TNPO1: variants seen among roughly 807,000 people sequenced by gnomAD.
TNPO1 encodes transportin 1, also known as transportin-1.
Under a neutral mutation model 119.5 loss-of-function variants are expected in TNPO1, and 8 were observed. The ratio of observed to expected loss-of-function variants is 0.07; its 90% CI spans 0.04 to 0.12. TNPO1 has a LOEUF of 0.12. Among genes scored for constraint, TNPO1 ranks in the 10% least tolerant of loss-of-function variants. The probability of loss-of-function intolerance (pLI) is 1.00; values close to 1 mark genes in which losing one functional copy is unlikely to be tolerated. For missense variants in TNPO1, 576 were observed against 1,089.8 expected (o/e 0.53, Z 6.64); for synonymous variants, 362 against 363.0 (o/e 1.00, Z 0.03).
At chr5:72,866,078 C>T (rs1746871625) in intron 6 of TNPO1, among the ~76,000 whole-genome samples, 3 of 152,170 alleles carry the variant, frequency 2.0e-5, no homozygotes, top group South Asian at 4.2e-4. Context: ...ATTTTAGAAT[C>T]GGGATACATG....
intron 1 of TNPO1, among the ~76,000 whole-genome samples, chr5:72,835,882 G>T (rs564899380): frequency 1.3e-5 from 2 of 152,318 alleles, no homozygotes; most frequent in Admixed American, 6.5e-5. Flanking sequence ...CTCCAGCTAT[G>T]AGCCTGCAAA....
chr5:72,894,439 A>G (rs1426525961), intron 18 of TNPO1, among the ~76,000 whole-genome samples: 1 of 152,240 alleles, frequency 6.6e-6, no homozygotes, highest in Non-Finnish European at 1.5e-5. Context: ...TGGAAGGCCA[A>G]GGCGGGCAGG....
At chr5:72,908,128 TACTG>T (rs1352363755) in intron 24 of TNPO1, among the ~76,000 whole-genome samples, 1 of 152,174 alleles carries the variant, frequency 6.6e-6, no homozygotes, top group African/African-American at 2.4e-5. Flanking sequence ...TGTTGATACT[TACTG>T]AATGTAGTGA....
chr5:72,851,616 C>T (rs1745571187), intron 3 of TNPO1, among the ~76,000 whole-genome samples: 1 of 152,156 alleles, frequency 6.6e-6, no homozygotes, highest in Admixed American at 6.5e-5. Flanking sequence ...CCAAACCTCC[C>T]TAGTAGCCGG....
chr5:72,900,534 A>G (rs1749730756), intron 21 of TNPO1, among the ~76,000 whole-genome samples: 1 of 152,220 alleles, frequency 6.6e-6, no homozygotes, highest in Non-Finnish European at 1.5e-5. Flanking sequence ...CATCTACACC[A>G]TAAGCTATAT....
chr5:72,882,934 A>G, intron 10 of TNPO1, 130 bp from the exon 11 acceptor site: 1 of 719,914 alleles, frequency 1.4e-6, no homozygotes, highest in Non-Finnish European at 2.4e-6. Context: ...CGTGGTTCTT[A>G]ATCACTCTGG....
chr5:72,854,803 A>G (rs537959812), intron 3 of TNPO1, among the ~76,000 whole-genome samples: 2 of 152,212 alleles, frequency 1.3e-5, no homozygotes, highest in South Asian at 4.1e-4. Flanking sequence ...TATGGATTAA[A>G]CTTATTTTAA....
At chr5:72,846,097 C>T (rs764782960) in intron 1 of TNPO1, among the ~76,000 whole-genome samples, 44 of 152,214 alleles carry the variant, frequency 2.9e-4, no homozygotes, top group Admixed American at 1.9e-3. Flanking sequence ...GTGTGAATTG[C>T]GTAACTTTTT....
At chr5:72,864,657 G>A (rs1161026215) in intron 5 of TNPO1, among the ~76,000 whole-genome samples, 1 of 151,754 alleles carries the variant, frequency 6.6e-6, no homozygotes, top group Middle Eastern at 3.2e-3. Flanking sequence ...CACCCAGGCT[G>A]GAGTGCAGTG....
chr5:72,832,280 T>TCTAAA (rs1744509546), intron 1 of TNPO1, among the ~76,000 whole-genome samples: 1 of 152,174 alleles, frequency 6.6e-6, no homozygotes, highest in Non-Finnish European at 1.5e-5. Context: ...CTTTGCTAAT[T>TCTAAA]GGACTAAAAC....
intron 2 of TNPO1, among the ~76,000 whole-genome samples, chr5:72,848,861 G>C (rs1292187837): frequency 1.3e-5 from 2 of 151,066 alleles, no homozygotes; most frequent in Non-Finnish European, 3.0e-5. Flanking sequence ...GGAGCGGGCG[G>C]GCGGGAGCGG....
At chr5:72,865,810 G>T in intron 6 of TNPO1, 81 bp downstream of exon 6, 2 of 1,399,238 alleles carry the variant, frequency 1.4e-6, no homozygotes, top group South Asian at 2.7e-5. Flanking sequence ...TAATATTTTT[G>T]ACATTAGCAA....
chr5:72,875,106 C>T (rs1011428174), intron 7 of TNPO1, among the ~76,000 whole-genome samples: 15 of 152,178 alleles, frequency 9.9e-5, no homozygotes, highest in African/African-American at 1.7e-4. Flanking sequence ...TCCATTCAGA[C>T]ATTGCTTTTT....
chr5:72,905,978 G>A (rs1750113725), intron 24 of TNPO1, among the ~76,000 whole-genome samples: 1 of 152,144 alleles, frequency 6.6e-6, no homozygotes, highest in African/African-American at 2.4e-5. Context: ...AAAACGATTA[G>A]CTCCAGTTTG....
chr5:72,883,032 G>A, intron 10 of TNPO1, 32 bp from the exon 11 acceptor site: 1 of 1,539,356 alleles, frequency 6.5e-7, no homozygotes, highest in Non-Finnish European at 9.0e-7. Context: ...TATAATGAAT[G>A]CCACCAAAAA....
At chr5:72,818,257 T>G (rs2112149442) in intron 1 of TNPO1, among the ~76,000 whole-genome samples, 1 of 152,374 alleles carries the variant, frequency 6.6e-6, no homozygotes, top group Non-Finnish European at 1.5e-5. Context: ...TTGTTTGCAC[T>G]TCTACCTCAA....
chr5:72,840,691 ACT>A (rs552032869), intron 1 of TNPO1, among the ~76,000 whole-genome samples: 2 of 150,792 alleles, frequency 1.3e-5, no homozygotes, highest in African/African-American at 4.9e-5. Context: ...TTGATACCAC[ACT>A]CTTTTTTTTA....
In TNPO1 at chr5:72,882,984, A is replaced by G. The variant is rs768138694; in HGVS notation, c.982-80A>G. Reference sequence around the variant, plus strand: ...ATTCTGTGCATGACCCCATCTCTGGATATTCTGTTTCTCTTACTCATGTAC... The same window carrying G: ...ATTCTGTGCATGACCCCATCTCTGGGTATTCTGTTTCTCTTACTCATGTAC... On this transcript the variant is annotated intron_variant, in intron 10 of 24. Coordinates refer to ENST00000337273, the MANE Select transcript of TNPO1 (RefSeq NM_002270.4). The G allele has an allele frequency of 5.1e-6, 5 of 987,314 alleles. No individual in the cohort carries two copies. In the South Asian group the frequency reaches 7.2e-5, roughly 14 times the overall value. The allele number at this position is 987,314 out of a possible 1,614,324, so 61.2% of individuals were successfully genotyped here.
chr5:72,876,849 C>CTT (rs1561335351), intron 8 of TNPO1, among the ~76,000 whole-genome samples: 1 of 152,052 alleles, frequency 6.6e-6, no homozygotes. Context: ...AATCCCAACA[C>CTT]TTTGGGAGGC....
Sources: allele counts gnomAD v4.1 joint callset (sites outside exome capture counted in the v4.1 genomes callset), GRCh38; gene constraint gnomAD v4.1.1; transcripts MANE v1.5; gene names NCBI Gene and HGNC (gene_info 2026-07-23, HGNC 2026-07-21).